The following GNL1 variants were observed in gnomAD, a reference collection of about 807,000 sequenced individuals.
The protein encoded by GNL1 is G protein nucleolar 1.
GNL1 carries 21 observed loss-of-function variants against 75.2 expected under a neutral mutation model. That is an observed-to-expected ratio of 0.28 (90% CI 0.20 to 0.40). The LOEUF is 0.40. GNL1 is among the 10% of genes least tolerant of loss of function. The pLI is 1.00. For missense variants in GNL1, 579 were observed against 775.0 expected (o/e 0.75, Z 3.00); for synonymous variants, 287 against 303.4 (o/e 0.95, Z 0.56).
In GNL1 at chr6:30,543,111, CCT is replaced by C. The variant is rs1435655775; in HGVS notation, c.*2959_*2960del. The C allele has an allele frequency of 2.6e-5, 4 of 152,350 alleles. No homozygotes were observed. Among genetic ancestry groups the C allele is most frequent in the Admixed American group, 2.0e-4 (3 of 15,286 alleles). 9.4% of individuals were successfully genotyped at this position (152,350 alleles called of 1,614,324 possible). ...ACATCTGTTCCTCTAGGACGCTTCC[CCT>C]GATTCACCAAGACCAGCTTAACTGC... On this transcript the variant is annotated 3_prime_UTR_variant, in exon 12 of 12. Transcript: ENST00000376621.
In GNL1 at chr6:30,552,665, C is replaced by A. The variant is rs779200731; in HGVS notation, c.905-4G>T. 1 of 1,611,362 alleles carries A rather than the reference C, an allele frequency of 6.2e-7. No individual in the cohort carries two copies. The highest frequency in any genetic ancestry group is 8.5e-7 in the Non-Finnish European group (1 of 1,178,332). ...TCCCGCCAGCTGCTCAAGTCCACTG[C>A]TCAAAGAAGGAGAAGATTAAAGAGG... On this transcript the variant is annotated splice_polypyrimidine_tract_variant and splice_region_variant and intron_variant, in intron 7 of 11. Transcript: ENST00000376621. This position sits in a 1 kb window ranked among gnomAD's most constrained non-coding sequence, Gnocchi z 4.5.
Position 30,555,183 on chromosome 6 carries a change from A to G in GNL1, c.248T>C (p.Leu83Pro). The change falls in exon 3 of 12, where the codon CTG becomes CCG. Residue 83 changes from leucine to proline, a missense_variant. Leu to Pro is a moderately conservative substitution (Grantham distance 98). Coordinates refer to ENST00000376621, the MANE Select transcript of GNL1 (RefSeq NM_005275.5). This position sits in a 1 kb window ranked among gnomAD's most constrained non-coding sequence, Gnocchi z 4.3. ...PRGYDPNRYR[L>P]HFERDSREEV... Reference sequence around the variant, plus strand: ...CTCCCTGCTGTCTCTCTCAAAATGCAGTCGGTATCTAAGGGAACAGGGACC... The same window carrying G: ...CTCCCTGCTGTCTCTCTCAAAATGCGGTCGGTATCTAAGGGAACAGGGACC... 4 of 1,612,932 alleles carry G rather than the reference A, an allele frequency of 2.5e-6. No individual in the cohort carries two copies. Among genetic ancestry groups the G allele is most frequent in the Non-Finnish European group, 3.4e-6 (4 of 1,180,008 alleles).
In GNL1 at chr6:30,546,023, A is replaced by T. The variant is rs754550591; in HGVS notation, c.*49T>A. 6.5e-5 allele frequency: 88 copies of T among 1,353,222 alleles called. No homozygotes were observed. Among genetic ancestry groups the T allele is most frequent in the Admixed American group, 3.4e-4 (18 of 52,728 alleles). 83.8% of individuals were successfully genotyped at this position (1,353,222 alleles called of 1,614,324 possible). On this transcript the variant is annotated 3_prime_UTR_variant, in exon 12 of 12. Coordinates refer to ENST00000376621, the MANE Select transcript of GNL1 (RefSeq NM_005275.5). This position sits in a 1 kb window ranked among gnomAD's most constrained non-coding sequence, Gnocchi z 5.1. ...GGCAGAGGGGAGATACCCCCAGGTCAGTCCAAAAGCAAAGATACTGGGAGG... is the reference window on the plus strand; with the variant it reads ...GGCAGAGGGGAGATACCCCCAGGTCTGTCCAAAAGCAAAGATACTGGGAGG...
At position 30,542,122 on chromosome 6, in the gene GNL1, C is replaced by G. The variant is rs1003818499; in HGVS notation, c.*3950G>C. ...GAAAATTCTCTCCTCACCTCCACTG[C>G]CTTTACGCTTTTCCTCCAAATTATT... On this transcript the variant is annotated 3_prime_UTR_variant, in exon 12 of 12. Coordinates refer to ENST00000376621, the MANE Select transcript of GNL1 (RefSeq NM_005275.5). This position sits in a 1 kb window ranked among gnomAD's most constrained non-coding sequence, Gnocchi z 4.5. The G allele has an allele frequency of 6.6e-6, 1 of 152,480 alleles. No homozygotes were observed. Among genetic ancestry groups the G allele is most frequent in the African/African-American group, 2.4e-5 (1 of 41,448 alleles). 9.4% of individuals were successfully genotyped at this position (152,480 alleles called of 1,614,324 possible). A position where few individuals can be genotyped will look rare whatever the true frequency, so the allele number is the denominator to read the frequency against.
intron 8 of GNL1, among the ~76,000 whole-genome samples, chr6:30,549,161 C>G (rs543919786): frequency 6.6e-6 from 1 of 152,188 alleles, no homozygotes; most frequent in South Asian, 2.1e-4. Flanking sequence ...CCACACCTGG[C>G]TAACTTTTTG....
rs778487745 is a variant in GNL1, at chr6:30,546,135, C to A, written c.1761G>T (p.Ser587=). 4.5e-6 allele frequency: 7 copies of A among 1,571,278 alleles called. No individual in the cohort carries two copies. Among genetic ancestry groups the A allele is most frequent in the Non-Finnish European group, 6.0e-6 (7 of 1,158,212 alleles). ...GGCCAGCCAGGCTGGACCCTGGAGC[C>A]GAGGTTGGGGTCTCCTCATCCCCTT... ...EGEGDEETPT[S]APGSSLAGRN... Residue 587 remains serine (S), a synonymous_variant, in exon 12 of 12, where the codon TCG becomes TCT. Coordinates refer to ENST00000376621, the MANE Select transcript of GNL1 (RefSeq NM_005275.5). The surrounding 1 kb of genome is among the most constrained non-coding windows in gnomAD (Gnocchi z 5.1).
chr6:30,546,088 C>G lies in GNL1; in HGVS notation c.1808G>C (p.Gly603Ala). 6.3e-7 allele frequency: 1 copy of G among 1,589,688 alleles called. No homozygotes were observed. Among genetic ancestry groups the G allele is most frequent in the Non-Finnish European group, 8.6e-7 (1 of 1,168,576 alleles). Residue 603 changes from glycine to alanine, a missense_variant, in exon 12 of 12, where the codon GGT becomes GCT. Gly to Ala is a moderately conservative substitution (Grantham distance 60). Transcript: ENST00000376621. This position sits in a 1 kb window ranked among gnomAD's most constrained non-coding sequence, Gnocchi z 5.1. ...GCGAGGAACTCAGCACTCATCCTCA[C>G]CCAGCAGGGCATAAGGGTTTCGGCC... ...LAGRNPYALL[G>A]EDEC
In GNL1 at chr6:30,545,770, G is replaced by A. The variant is rs939789161; in HGVS notation, c.*302C>T. 12 of 390,226 alleles carry A rather than the reference G, an allele frequency of 3.1e-5. No individual in the cohort carries two copies. Among genetic ancestry groups the A allele is most frequent in the Non-Finnish European group, 4.1e-5 (9 of 218,774 alleles). The allele number at this position is 390,226 out of a possible 1,614,324, so 24.2% of individuals were successfully genotyped here. A position where few individuals can be genotyped will look rare whatever the true frequency, so the allele number is the denominator to read the frequency against. ...GACCTCCCCTCCCCATGTAGATAAC[G>A]GGATTCCTAAGGTGCAGAGTGGGAG... is the stretch of plus-strand genomic sequence containing the variant. On this transcript the variant is annotated 3_prime_UTR_variant, in exon 12 of 12. Transcript: ENST00000376621.
rs527679043 is a variant in GNL1 at position 30,546,053 on chromosome 6, A to G, written c.*19T>C. ...AAAAGCAAAGATACTGGGAGGGAAGATGGCGCTGGGCGAGGAACTCAGCAC... is the reference window on the plus strand; with the variant it reads ...AAAAGCAAAGATACTGGGAGGGAAGGTGGCGCTGGGCGAGGAACTCAGCAC... On this transcript the variant is annotated 3_prime_UTR_variant, in exon 12 of 12. Transcript: ENST00000376621. This position sits in a 1 kb window ranked among gnomAD's most constrained non-coding sequence, Gnocchi z 5.1. 1.9e-6 allele frequency: 3 copies of G among 1,576,820 alleles called. No individual in the cohort carries two copies. The African/African-American group carries it at 4.0e-5, about 21-fold the overall frequency.
chr6:30,547,675 G>C lies in GNL1; in HGVS notation c.1100-145C>G. ...ATACAAATCACGCTCTGGGCTGCCA[G>C]GGTTAAATCCTGGCCCTTCCACTTA... On this transcript the variant is annotated intron_variant, in intron 8 of 11. Coordinates refer to ENST00000376621, the MANE Select transcript of GNL1 (RefSeq NM_005275.5). The surrounding 1 kb of genome is among the most constrained non-coding windows in gnomAD (Gnocchi z 5.5). The C allele has an allele frequency of 1.4e-6, 1 of 705,712 alleles. No individual in the cohort carries two copies. Among genetic ancestry groups the C allele is most frequent in the Non-Finnish European group, 2.3e-6 (1 of 427,332 alleles). The allele number at this position is 705,712 out of a possible 1,614,324, so 43.7% of individuals were successfully genotyped here. A position where few individuals can be genotyped will look rare whatever the true frequency, so the allele number is the denominator to read the frequency against.
Position 30,555,893 on chromosome 6 carries a change from G to C in GNL1, c.74-173C>G. 1 of 796,920 alleles carries C rather than the reference G, an allele frequency of 1.3e-6. No individual in the cohort carries two copies. 49.4% of individuals were successfully genotyped at this position (796,920 alleles called of 1,614,324 possible). A position where few individuals can be genotyped will look rare whatever the true frequency, so the allele number is the denominator to read the frequency against. ...GTGCGTGGGGGGAGTCACTCCTTCAGGGAGCAGTGGGGACGGCGCCCCGTG... is the reference window on the plus strand; with the variant it reads ...GTGCGTGGGGGGAGTCACTCCTTCACGGAGCAGTGGGGACGGCGCCCCGTG... On this transcript the variant is annotated intron_variant, in intron 1 of 11. Transcript: ENST00000376621. The surrounding 1 kb of genome is among the most constrained non-coding windows in gnomAD (Gnocchi z 4.3).
At position 30,555,548 on chromosome 6, in the gene GNL1, C is replaced by A; in HGVS notation, c.239+7G>T. On this transcript the variant is annotated splice_region_variant and intron_variant, in intron 2 of 11. Transcript: ENST00000376621. This position sits in a 1 kb window ranked among gnomAD's most constrained non-coding sequence, Gnocchi z 4.3. The stretch of plus-strand genomic sequence containing the variant: ...AAGCCGGGACCAGCGCCCCCTCCCA[C>A]CCTCACCGATTTGGGTCGTAGCCTC... The A allele has an allele frequency of 6.2e-7, 1 of 1,611,298 alleles. No homozygotes were observed. Among genetic ancestry groups the A allele is most frequent in the Non-Finnish European group, 8.5e-7 (1 of 1,178,172 alleles).
At position 30,552,782 on chromosome 6, in the gene GNL1, AAAT is replaced by A. The variant is rs1799876055; in HGVS notation, c.905-124_905-122del. On this transcript the variant is annotated intron_variant, in intron 7 of 11. Coordinates refer to ENST00000376621, the MANE Select transcript of GNL1 (RefSeq NM_005275.5). The surrounding 1 kb of genome is among the most constrained non-coding windows in gnomAD (Gnocchi z 4.5). ...CTCTGGAGTTGTACAGTGCCAACCT[AAAT>A]AAGAGCAGGTCAGAGAATCTCCCAA... 1 of 843,172 alleles carries A rather than the reference AAAT, an allele frequency of 1.2e-6. No individual in the cohort carries two copies. Among genetic ancestry groups the A allele is most frequent in the Non-Finnish European group, 1.8e-6 (1 of 549,142 alleles). The allele number at this position is 843,172 out of a possible 1,614,324, so 52.2% of individuals were successfully genotyped here. A position where few individuals can be genotyped will look rare whatever the true frequency, so the allele number is the denominator to read the frequency against.
At position 30,552,880 on chromosome 6, in the gene GNL1, C is replaced by T. The variant is rs1211642768; in HGVS notation, c.904+204G>A. Among the ~76,000 whole-genome samples the T allele has an allele frequency of 1.3e-5, 2 of 152,196 alleles. No individual in the cohort carries two copies. The highest frequency in any genetic ancestry group is 2.9e-5 in the Non-Finnish European group (2 of 68,030). On this transcript the variant is annotated intron_variant, in intron 7 of 11. Transcript: ENST00000376621. The surrounding 1 kb of genome is among the most constrained non-coding windows in gnomAD (Gnocchi z 4.5). Reference sequence around the variant, plus strand: ...GAGCTTCTGAAAAGTACTGGGAAGGCTAAAGGCAGCAAGCCACTGAGGCTC... The same window carrying T: ...GAGCTTCTGAAAAGTACTGGGAAGGTTAAAGGCAGCAAGCCACTGAGGCTC...
chr6:30,553,712 G>A (rs996465163), intron 5 of GNL1, among the ~76,000 whole-genome samples, 155 bp from the exon 6 acceptor site: 6 of 152,136 alleles, frequency 3.9e-5, no homozygotes, highest in Non-Finnish European at 8.8e-5. Context: ...GAAAAACAAA[G>A]ACAAAACAGG....
Position 30,546,475 on chromosome 6 carries a change from G to C in GNL1, c.1583-162C>G, listed in dbSNP as rs1799461330. ...TTCAACTTCCTATGTGCAGATTGCTGAACAGAACCTTTGTGCACATCAACT... is the reference window on the plus strand; with the variant it reads ...TTCAACTTCCTATGTGCAGATTGCTCAACAGAACCTTTGTGCACATCAACT... On this transcript the variant is annotated intron_variant, in intron 11 of 11. Coordinates refer to ENST00000376621, the MANE Select transcript of GNL1 (RefSeq NM_005275.5). The surrounding 1 kb of genome is among the most constrained non-coding windows in gnomAD (Gnocchi z 5.1). 1 of 678,346 alleles carries C rather than the reference G, an allele frequency of 1.5e-6. No homozygotes were observed. Among genetic ancestry groups the C allele is most frequent in the African/African-American group, 1.8e-5 (1 of 54,832 alleles). 42.0% of individuals were successfully genotyped at this position (678,346 alleles called of 1,614,324 possible).
Position 30,542,944 on chromosome 6 carries a change from C to T in GNL1, c.*3128G>A, listed in dbSNP as rs551443063. 2.0e-5 allele frequency: 3 copies of T among 152,346 alleles called. No homozygotes were observed. Among genetic ancestry groups the T allele is most frequent in the African/African-American group, 4.8e-5 (2 of 41,468 alleles). The allele number at this position is 152,346 out of a possible 1,614,324, so 9.4% of individuals were successfully genotyped here. A position where few individuals can be genotyped will look rare whatever the true frequency, so the allele number is the denominator to read the frequency against. On this transcript the variant is annotated 3_prime_UTR_variant, in exon 12 of 12. Transcript: ENST00000376621. This position sits in a 1 kb window ranked among gnomAD's most constrained non-coding sequence, Gnocchi z 4.5. ...CCACCTCTCCAGCTTCACCTTTCCT[C>T]ATTTCTCCTTTGCACCCTCTGCCTC...
rs1799182751 is a variant in GNL1, at chr6:30,541,802, T to C, written c.*4270A>G. On this transcript the variant is annotated 3_prime_UTR_variant, in exon 12 of 12. Coordinates refer to ENST00000376621, the MANE Select transcript of GNL1 (RefSeq NM_005275.5). ...GAACAGACATGTTTTAACAAACTGG[T>C]TGAGCCGTATCAGTGCGAACCAGCT... 6.6e-6 allele frequency: 1 copy of C among 152,240 alleles called. No homozygotes were observed. Among genetic ancestry groups the C allele is most frequent in the Non-Finnish European group, 1.5e-5 (1 of 68,032 alleles). The allele number at this position is 152,240 out of a possible 1,614,324, so 9.4% of individuals were successfully genotyped here. A position where few individuals can be genotyped will look rare whatever the true frequency, so the allele number is the denominator to read the frequency against.
At position 30,556,004 on chromosome 6, in the gene GNL1, T is replaced by C; in HGVS notation, c.73+127A>G. 1 of 1,185,046 alleles carries C rather than the reference T, an allele frequency of 8.4e-7. No individual in the cohort carries two copies. The highest frequency in any genetic ancestry group is 2.5e-5 in the East Asian group (1 of 40,510). 73.4% of individuals were successfully genotyped at this position (1,185,046 alleles called of 1,614,324 possible). A position where few individuals can be genotyped will look rare whatever the true frequency, so the allele number is the denominator to read the frequency against. On this transcript the variant is annotated intron_variant, in intron 1 of 11. Coordinates refer to ENST00000376621, the MANE Select transcript of GNL1 (RefSeq NM_005275.5). This position sits in a 1 kb window ranked among gnomAD's most constrained non-coding sequence, Gnocchi z 5.7. ...GGGGGGTGGGGGATCCCCTCCGCGA[T>C]AGGCCGCGAGGGTTGACGCGGTCCC...
Sources: allele counts gnomAD v4.1 joint callset (sites outside exome capture counted in the v4.1 genomes callset), GRCh38; gene constraint gnomAD v4.1.1; non-coding constraint Gnocchi (gnomAD v3.1); transcripts MANE v1.5; gene names NCBI Gene and HGNC (gene_info 2026-07-23, HGNC 2026-07-21).